The following B3GALT1 variants were observed in gnomAD, a reference collection of about 807,000 sequenced individuals.
B3GALT1 encodes UDP-Gal:betaGlcNAc beta 1,3-galactosyltransferase, polypeptide 1.
B3GALT1 carries 10 observed loss-of-function variants against 23.2 expected under a neutral mutation model. The ratio of observed to expected loss-of-function variants is 0.43; its 90% confidence interval spans 0.27 to 0.73. B3GALT1 has a LOEUF of 0.73. B3GALT1 is among the 30% of genes least tolerant of loss of function. The probability of loss-of-function intolerance (pLI) is 0.21; values close to 1 mark genes in which losing one functional copy is unlikely to be tolerated. For synonymous variants in B3GALT1, 156 were observed against 141.5 expected, an observed-to-expected ratio of 1.10 and a Z score of -0.73; for missense variants, 299 against 405.4, an observed-to-expected ratio of 0.74 and a Z score of 2.25.
chr2:167,490,121 G>T (rs1699686335), intron 1 of B3GALT1, 56 bp from the exon 2 acceptor site: 1 of 152,156 alleles, frequency 6.6e-6, no homozygotes, highest in Admixed American at 6.5e-5. Flanking sequence ...GAAACAAAGT[G>T]CTAATGTCAG....
chr2:167,601,399 C>T (rs966507852), intron 2 of B3GALT1, among the ~76,000 whole-genome samples: 2 of 152,332 alleles, frequency 1.3e-5, no homozygotes, highest in East Asian at 3.9e-4. Flanking sequence ...TACATTCCCT[C>T]TTTGCCTCAA....
chr2:167,811,565 A>G (rs753790703), intron 3 of B3GALT1, among the ~76,000 whole-genome samples: 27 of 152,188 alleles, frequency 1.8e-4, no homozygotes, highest in Non-Finnish European at 2.8e-4. Context: ...GCCATGTACA[A>G]CTTCAACAAA....
At chr2:167,556,405 A>T (rs576103460) in intron 2 of B3GALT1, among the ~76,000 whole-genome samples, 10 of 152,288 alleles carry the variant, frequency 6.6e-5, no homozygotes, top group Middle Eastern at 3.4e-3. Flanking sequence ...AATAATGAGA[A>T]TGTACAAATT....
chr2:167,592,591 A>G (rs1475808114), intron 2 of B3GALT1, among the ~76,000 whole-genome samples: 1 of 152,212 alleles, frequency 6.6e-6, no homozygotes, highest in Admixed American at 6.5e-5. Context: ...GCTAGTTATC[A>G]AAGCCAGAAA....
At chr2:167,398,079 A>C (rs1415525072) in intron 1 of B3GALT1, among the ~76,000 whole-genome samples, 2 of 152,158 alleles carry the variant, frequency 1.3e-5, no homozygotes, top group African/African-American at 4.8e-5. Context: ...TATGCCCCTG[A>C]ATTTTAAATC....
At chr2:167,811,246 A>G (rs1005115542) in intron 3 of B3GALT1, among the ~76,000 whole-genome samples, 10 of 152,208 alleles carry the variant, frequency 6.6e-5, no homozygotes, top group Admixed American at 6.5e-4. Context: ...GGCTTTACCT[A>G]TCTTTGTTTT....
At chr2:167,507,907 C>A (rs1438710550) in intron 2 of B3GALT1, among the ~76,000 whole-genome samples, 1 of 152,142 alleles carries the variant, frequency 6.6e-6, no homozygotes, top group South Asian at 2.1e-4. Context: ...GGCTTATCAA[C>A]AACTGAAATT....
At chr2:167,628,522 A>C (rs1685386052) in intron 2 of B3GALT1, among the ~76,000 whole-genome samples, 1 of 151,756 alleles carries the variant, frequency 6.6e-6, no homozygotes, top group Admixed American at 6.6e-5. Context: ...TCCCGGCTTC[A>C]CCTTGATCCT....
In B3GALT1 at chr2:167,308,441, T is replaced by C. The variant is rs570948697; in HGVS notation, c.-511+15107T>C. Among the ~76,000 whole-genome samples, 4 of 152,190 alleles carry C rather than the reference T, an allele frequency of 2.6e-5. No homozygotes were observed. The East Asian group carries it at 7.7e-4, about 29-fold the overall frequency. The stretch of plus-strand genomic sequence containing the variant: ...GTAATTTCTGCCTGTATTATTCATA[T>C]CTTCTGTCATATACTTTACTATGCT... On this transcript the variant is annotated intron_variant, in intron 1 of 4. Coordinates refer to ENST00000392690, the MANE Select transcript of B3GALT1 (RefSeq NM_020981.4).
At chr2:167,300,814 C>T (rs1243302358) in intron 1 of B3GALT1, among the ~76,000 whole-genome samples, 1 of 152,036 alleles carries the variant, frequency 6.6e-6, no homozygotes, top group Non-Finnish European at 1.5e-5. Context: ...CAAATAAAGA[C>T]TCTATAAACA....
intron 3 of B3GALT1, among the ~76,000 whole-genome samples, chr2:167,814,270 T>C (rs1281944737): frequency 2.0e-5 from 3 of 152,204 alleles, no homozygotes; most frequent in Non-Finnish European, 2.9e-5. Flanking sequence ...AAAGAGATTG[T>C]TCCATTTTCA....
At chr2:167,868,416 A>G (rs1690275762) in intron 4 of B3GALT1, among the ~76,000 whole-genome samples, 1 of 152,098 alleles carries the variant, frequency 6.6e-6, no homozygotes, top group Non-Finnish European at 1.5e-5. Flanking sequence ...GGAAACTGGA[A>G]AAGAGATATG....
At chr2:167,390,609 C>T (rs2105282358) in intron 1 of B3GALT1, among the ~76,000 whole-genome samples, 1 of 152,286 alleles carries the variant, frequency 6.6e-6, no homozygotes, top group African/African-American at 2.4e-5. Context: ...TATCTTAGCC[C>T]TCCTACCCAG....
intron 2 of B3GALT1, among the ~76,000 whole-genome samples, chr2:167,578,268 A>G (rs1684419285): frequency 6.6e-6 from 1 of 151,968 alleles, no homozygotes; most frequent in Admixed American, 6.6e-5. Flanking sequence ...GAATAAGAAG[A>G]AACATTTCCT....
chr2:167,610,241 C>G (rs1263881569), intron 2 of B3GALT1, among the ~76,000 whole-genome samples: 1 of 152,040 alleles, frequency 6.6e-6, no homozygotes, highest in African/African-American at 2.4e-5. Flanking sequence ...TAAATGTTGA[C>G]ATATTAATTA....
chr2:167,787,907 C>A (rs530886966), intron 3 of B3GALT1, among the ~76,000 whole-genome samples: 1 of 152,154 alleles, frequency 6.6e-6, no homozygotes, highest in Non-Finnish European at 1.5e-5. Context: ...AGACCTTGAA[C>A]GTGCCCCAAG....
At position 167,574,093 on chromosome 2, in the gene B3GALT1, A is replaced by G. The variant is rs568892940; in HGVS notation, c.-409-72816A>G. On this transcript the variant is annotated intron_variant, in intron 2 of 4. Transcript: ENST00000392690. ...ATTATTTTGTTTACAGAACTTTACT[A>G]TCCATCAATCCTCAGGATATAAGAA... 2.2e-3 allele frequency among the ~76,000 whole-genome samples: 339 copies of G among 151,792 alleles called. 5 individuals carry two copies. The South Asian group carries it at 0.035, about 16-fold the overall frequency.
intron 3 of B3GALT1, among the ~76,000 whole-genome samples, chr2:167,761,006 A>G (rs185094167): frequency 1.0e-3 from 156 of 152,316 alleles, no homozygotes; most frequent in African/African-American, 3.3e-3. Context: ...ATTCAATATT[A>G]CATGTGCCTG....
chr2:167,311,259 A>G (rs1361122114), intron 1 of B3GALT1, among the ~76,000 whole-genome samples: 1 of 152,118 alleles, frequency 6.6e-6, no homozygotes, highest in African/African-American at 2.4e-5. Flanking sequence ...AATTTGAGTT[A>G]CAAAGGATAG....
Sources: gnomAD v4.1 joint callset for allele counts (sites outside exome capture counted in the v4.1 genomes callset) on GRCh38, gnomAD v4.1.1 for gene constraint, MANE v1.5 for transcripts, NCBI Gene and HGNC (gene_info 2026-07-23, HGNC 2026-07-21) for gene names.